Variants in SYPL2 observed in about 807,000 individuals in gnomAD.
The protein encoded by SYPL2 is synaptophysin-like protein 2.
In SYPL2, 24 loss-of-function variants were observed where a neutral mutation model predicts 31.3. The observed-to-expected ratio is 0.77, with a 90% CI of 0.56 to 1.08. The LOEUF (loss-of-function observed/expected upper bound fraction) is 1.08. Ranked by LOEUF, SYPL2 falls within the 50% of genes least tolerant of loss-of-function variation. SYPL2 has a pLI of 0.00. For missense variants in SYPL2, 342 were observed against 360.1 expected, an observed-to-expected ratio of 0.95 and a Z score of 0.41; for synonymous variants, 144 against 143.1, an observed-to-expected ratio of 1.01 and a Z score of -0.05.
In SYPL2 at chr1:109,477,913, A is replaced by T; in HGVS notation, c.552A>T (p.Pro184=). The T allele has an allele frequency of 3.7e-6, 6 of 1,614,242 alleles. No individual in the cohort carries two copies. The highest frequency in any genetic ancestry group is 5.1e-6 in the Non-Finnish European group (6 of 1,180,052). ...CCGATGTCAAGGGGGCCACACGACC[A>T]TCCAGCTTGACAGCAGCCATGTCAG... ...GLTDVKGATR[P]SSLTAAMSVC... The change falls in exon 5 of 6, where the codon CCA becomes CCT. Residue 184 remains proline (P), a synonymous_variant. Transcript: ENST00000369872.
intron 5 of SYPL2, 130 bp from the exon 6 acceptor site, chr1:109,479,248 C>A: frequency 9.8e-7 from 1 of 1,015,964 alleles, no homozygotes; most frequent in Non-Finnish European, 1.5e-6. Context: ...AGCTCTCTGT[C>A]TTAGTCTTTC....
chr1:109,466,761 G>A lies in SYPL2; in HGVS notation c.-83G>A. 7.1e-7 allele frequency: 1 copy of A among 1,402,048 alleles called. No individual in the cohort carries two copies. The highest frequency in any genetic ancestry group is 1.5e-5 in the African/African-American group (1 of 66,044). The allele number at this position is 1,402,048 out of a possible 1,614,324, so 86.9% of individuals were successfully genotyped here. A position where few individuals can be genotyped will look rare whatever the true frequency, so the allele number is the denominator to read the frequency against. On this transcript the variant is annotated 5_prime_UTR_variant, in exon 1 of 6. Transcript: ENST00000369872. The stretch of plus-strand genomic sequence containing the variant: ...TCGCCTGCTCTGCCCCGGACCTGCA[G>A]CTCCCCGCTCCCCCGCCGTGTCCGC...
chr1:109,478,180 A>G lies in SYPL2; in HGVS notation c.648+171A>G. On this transcript the variant is annotated intron_variant, in intron 5 of 5. Coordinates refer to ENST00000369872, the MANE Select transcript of SYPL2 (RefSeq NM_001040709.2). The surrounding 1 kb of genome is among the most constrained non-coding windows in gnomAD (Gnocchi z 4.0). ...GGCTGCTGGCTCCTGGCTGACCCTGAGAGGACATTTTGGGATGAGGGGAAC... is the reference window on the plus strand; with the variant it reads ...GGCTGCTGGCTCCTGGCTGACCCTGGGAGGACATTTTGGGATGAGGGGAAC... 2 of 1,411,394 alleles carry G rather than the reference A, an allele frequency of 1.4e-6. No homozygotes were observed. Among genetic ancestry groups the G allele is most frequent in the Non-Finnish European group, 1.9e-6 (2 of 1,079,216 alleles). 87.4% of individuals were successfully genotyped at this position (1,411,394 alleles called of 1,614,324 possible).
Position 109,475,573 on chromosome 1 carries a change from T to A in SYPL2, c.130-8T>A. The A allele has an allele frequency of 6.2e-7, 1 of 1,613,516 alleles. No homozygotes were observed. Among genetic ancestry groups the A allele is most frequent in the Non-Finnish European group, 8.5e-7 (1 of 1,179,502 alleles). Reference sequence around the variant, plus strand: ...TCTGACTCTCAAAGAGGCTTCACTCTCTCTCAGCTCTTTGCTATTTTCGCC... The same window carrying A: ...TCTGACTCTCAAAGAGGCTTCACTCACTCTCAGCTCTTTGCTATTTTCGCC... On this transcript the variant is annotated splice_region_variant and splice_polypyrimidine_tract_variant and intron_variant, in intron 2 of 5. Transcript: ENST00000369872.
At position 109,478,117 on chromosome 1, in the gene SYPL2, C is replaced by T. The variant is rs1438685597; in HGVS notation, c.648+108C>T. The T allele has an allele frequency of 3.4e-6, 5 of 1,491,682 alleles. No homozygotes were observed. In the Admixed American group the frequency reaches 1.1e-4, roughly 32 times the overall value. The allele number at this position is 1,491,682 out of a possible 1,614,324, so 92.4% of individuals were successfully genotyped here. On this transcript the variant is annotated intron_variant, in intron 5 of 5. Transcript: ENST00000369872. This position sits in a 1 kb window ranked among gnomAD's most constrained non-coding sequence, Gnocchi z 4.0. Reference sequence around the variant, plus strand: ...GAGGGTGTCCCAGAGCTGGTGTCCCCTGCACCTGGAGCTGGTGCCCTCACT... The same window carrying T: ...GAGGGTGTCCCAGAGCTGGTGTCCCTTGCACCTGGAGCTGGTGCCCTCACT...
chr1:109,467,026 G>T, intron 1 of SYPL2, 33 bp from the exon 2 acceptor site: 3 of 1,478,706 alleles, frequency 2.0e-6, no homozygotes, highest in Non-Finnish European at 9.0e-7. Context: ...GTTCCCCACC[G>T]CCCTGACCCC....
intron 2 of SYPL2, among the ~76,000 whole-genome samples, chr1:109,469,827 CAAAAAAAAAAAAAA>C (rs10533137): frequency 3.8e-5 from 3 of 79,194 alleles, no homozygotes; most frequent in African/African-American, 1.0e-4. Context: ...GACCTTGTCT[CAAAAAAAAAAAAAA>C]AAAAAAAAAA....
chr1:109,481,159 ACTTCAG>A lies in SYPL2; in HGVS notation c.*1612_*1617del, dbSNP rs1380765078. 6.6e-6 allele frequency: 1 copy of A among 152,568 alleles called. No homozygotes were observed. The highest frequency in any genetic ancestry group is 1.5e-5 in the Non-Finnish European group (1 of 68,034). The allele number at this position is 152,568 out of a possible 1,614,324, so 9.5% of individuals were successfully genotyped here. On this transcript the variant is annotated 3_prime_UTR_variant, in exon 6 of 6. Transcript: ENST00000369872. ...GGGTACCTAGGAGTCAGGACTTTTG[ACTTCAG>A]GCCAGTCATTTCCTCCCGATGGGGA...
At chr1:109,476,102 G>C (rs1655990960) in intron 3 of SYPL2, among the ~76,000 whole-genome samples, 1 of 152,174 alleles carries the variant, frequency 6.6e-6, no homozygotes, top group African/African-American at 2.4e-5. Context: ...ACATCCTAAA[G>C]AGTTGATGTG....
intron 4 of SYPL2, among the ~76,000 whole-genome samples, chr1:109,477,476 C>T (rs1656036963): frequency 6.6e-6 from 1 of 152,152 alleles, no homozygotes; most frequent in South Asian, 2.1e-4. Context: ...CCACTTGTAT[C>T]TGAGCAATGG....
chr1:109,468,676 G>A (rs1037037456), intron 2 of SYPL2, among the ~76,000 whole-genome samples: 1 of 152,182 alleles, frequency 6.6e-6, no homozygotes, highest in East Asian at 1.9e-4. Context: ...CAGAATTTGA[G>A]ACAGACTGTC....
In SYPL2 at chr1:109,480,943, C is replaced by T. The variant is rs1406285875; in HGVS notation, c.*1395C>T. 6.6e-6 allele frequency: 1 copy of T among 152,642 alleles called. No individual in the cohort carries two copies. The highest frequency in any genetic ancestry group is 1.5e-5 in the Non-Finnish European group (1 of 68,064). 9.5% of individuals were successfully genotyped at this position (152,642 alleles called of 1,614,324 possible). The stretch of plus-strand genomic sequence containing the variant: ...TTGCTTCCTACCCAGCTCAATCTGC[C>T]CTGGCCATAGGGCTTCCCAGGGAAG... On this transcript the variant is annotated 3_prime_UTR_variant, in exon 6 of 6. Transcript: ENST00000369872.
At chr1:109,467,505 C>T (rs1655692233) in intron 2 of SYPL2, among the ~76,000 whole-genome samples, 1 of 152,110 alleles carries the variant, frequency 6.6e-6, no homozygotes, top group Non-Finnish European at 1.5e-5. Context: ...GAGGTCCGCT[C>T]TTCACCAAGA....
intron 2 of SYPL2, 103 bp from the exon 3 acceptor site, chr1:109,475,478 C>T (rs937843547): frequency 4.1e-6 from 6 of 1,452,758 alleles, no homozygotes; most frequent in Middle Eastern, 2.1e-4. Flanking sequence ...CACTCTCCCC[C>T]ACTCCCGCAC....
intron 2 of SYPL2, among the ~76,000 whole-genome samples, chr1:109,474,540 C>T (rs1655940532): frequency 6.6e-6 from 1 of 151,926 alleles, no homozygotes; most frequent in Non-Finnish European, 1.5e-5. Flanking sequence ...GGGGTTTCAC[C>T]ATGTTGGCCA....
chr1:109,479,669 T>C lies in SYPL2; in HGVS notation c.*121T>C. On this transcript the variant is annotated 3_prime_UTR_variant, in exon 6 of 6. Coordinates refer to ENST00000369872, the MANE Select transcript of SYPL2 (RefSeq NM_001040709.2). ...CCCCCATCATTCTGGTCTTTGAGCT[T>C]TGAGACGATGGGCAGGCATCAGCTG... is the stretch of plus-strand genomic sequence containing the variant. The C allele has an allele frequency of 6.9e-7, 1 of 1,454,950 alleles. No individual in the cohort carries two copies. The highest frequency in any genetic ancestry group is 9.2e-7 in the Non-Finnish European group (1 of 1,085,852). 90.1% of individuals were successfully genotyped at this position (1,454,950 alleles called of 1,614,324 possible). A position where few individuals can be genotyped will look rare whatever the true frequency, so the allele number is the denominator to read the frequency against.
At chr1:109,467,234 G>C (rs113543023) in intron 2 of SYPL2, 101 bp downstream of exon 2, 18 of 973,462 alleles carry the variant, frequency 1.8e-5, no homozygotes, top group Non-Finnish European at 2.2e-5. Flanking sequence ...TGCTGCGGCC[G>C]GGCCACGGCG....
In SYPL2 at chr1:109,471,670, C is replaced by T. The variant is rs537906530; in HGVS notation, c.130-3911C>T. On this transcript the variant is annotated intron_variant, in intron 2 of 5. Transcript: ENST00000369872. ...CCTCAAGTGATTTGCCCGCCTTGGC[C>T]TCCTAAAGTGCTGGGATTACAGGCA... 9.3e-4 allele frequency among the ~76,000 whole-genome samples: 142 copies of T among 152,156 alleles called. 1 individual carries two copies. The highest frequency in any genetic ancestry group is 1.6e-3 in the Non-Finnish European group (108 of 68,006).
intron 2 of SYPL2, among the ~76,000 whole-genome samples, chr1:109,469,865 A>G (rs1223162337): frequency 1.3e-5 from 2 of 151,754 alleles, no homozygotes; most frequent in Non-Finnish European, 1.5e-5. Context: ...AAAATAAAAC[A>G]AAAGAAAAAG....
Sources: gnomAD v4.1 joint callset for allele counts (sites outside exome capture counted in the v4.1 genomes callset) on GRCh38, gnomAD v4.1.1 for gene constraint, Gnocchi (gnomAD v3.1) non-coding constraint, MANE v1.5 for transcripts, NCBI Gene and HGNC (gene_info 2026-07-23, HGNC 2026-07-21) for gene names.